The following OPHN1 variants were observed in gnomAD, a reference collection of about 807,000 sequenced individuals.
OPHN1 encodes the protein oligophrenin 1.
In OPHN1, 11 loss-of-function variants were observed where a neutral mutation model predicts 60.7. The ratio of observed to expected loss-of-function variants is 0.18; its 90% confidence interval spans 0.11 to 0.30. The LOEUF is 0.30. Among genes scored for constraint, OPHN1 ranks in the 10% least tolerant of loss-of-function variants. The pLI is 1.00. For synonymous variants in OPHN1, 226 were observed against 222.6 expected (o/e 1.02, Z -0.14); for missense variants, 449 against 611.0 (o/e 0.73, Z 2.80).
rs924152728 is a variant in OPHN1 at position 68,082,689 on chromosome X, G to A, written c.1687-9390C>T. On this transcript the variant is annotated intron_variant, in intron 19 of 24. Coordinates refer to ENST00000355520, the MANE Select transcript of OPHN1 (RefSeq NM_002547.3). Reference sequence around the variant, plus strand: ...TTGTTGTTCCACATATGGAGCATGGGCAGAGTAGATTTTGCATAATTCTTA... The same window carrying A: ...TTGTTGTTCCACATATGGAGCATGGACAGAGTAGATTTTGCATAATTCTTA... Among the ~76,000 whole-genome samples the A allele has an allele frequency of 3.6e-5, 4 of 112,087 alleles. No homozygotes were observed. In the East Asian group the frequency reaches 1.1e-3, roughly 31 times the overall value.
At chrX:68,376,266 A>G (rs765367880) in intron 2 of OPHN1, among the ~76,000 whole-genome samples, 20 of 111,918 alleles carry the variant, frequency 1.8e-4, no homozygotes, top group Non-Finnish European at 3.4e-4. Context: ...CTGCAATTCA[A>G]TGCAATCACT....
At chrX:68,392,259 T>A (rs750148483) in intron 2 of OPHN1, among the ~76,000 whole-genome samples, 1 of 111,886 alleles carries the variant, frequency 8.9e-6, no homozygotes, top group East Asian at 2.8e-4. Context: ...TTCCTCATGA[T>A]TCTTAACATT....
intron 5 of OPHN1, among the ~76,000 whole-genome samples, chrX:68,266,647 C>T (rs1333937191): frequency 1.8e-5 from 2 of 111,266 alleles, no homozygotes; most frequent in Admixed American, 9.6e-5. Flanking sequence ...TAGCTAACAT[C>T]GTAATGACAG....
At chrX:68,145,551 C>T (rs1412307809) in intron 15 of OPHN1, among the ~76,000 whole-genome samples, 1 of 111,510 alleles carries the variant, frequency 9.0e-6, no homozygotes, top group Non-Finnish European at 1.9e-5. Context: ...GAAGCAAACA[C>T]CCATGTACTA....
intron 18 of OPHN1, among the ~76,000 whole-genome samples, chrX:68,098,913 G>A (rs917225961): frequency 2.7e-5 from 3 of 111,358 alleles, no homozygotes; most frequent in African/African-American, 9.8e-5. Context: ...CAAGAGCAAA[G>A]CACTTGGCAA....
At chrX:68,269,128 G>T (rs1382849582) in intron 5 of OPHN1, among the ~76,000 whole-genome samples, 2 of 111,658 alleles carry the variant, frequency 1.8e-5, no homozygotes, top group African/African-American at 6.5e-5. Flanking sequence ...CTCATGGGTA[G>T]GAAGAATCAA....
chrX:68,362,976 G>A (rs988198625), intron 2 of OPHN1, among the ~76,000 whole-genome samples: 5 of 110,891 alleles, frequency 4.5e-5, no homozygotes, highest in East Asian at 2.9e-4. Flanking sequence ...GGCTGGGTGC[G>A]GTGGCTCACA....
intron 2 of OPHN1, among the ~76,000 whole-genome samples, chrX:68,371,146 A>G (rs2078525959): frequency 9.0e-6 from 1 of 111,055 alleles, no homozygotes; most frequent in East Asian, 2.8e-4. Flanking sequence ...GACAGACCAC[A>G]TATGCAACAG....
rs1248833539 is a variant in OPHN1, at chrX:68,261,266, C to G, written c.384+13472G>C. Among the ~76,000 whole-genome samples, 3 of 111,541 alleles carry G rather than the reference C, an allele frequency of 2.7e-5. No individual in the cohort carries two copies. The Admixed American group carries it at 2.9e-4, about 11-fold the overall frequency. On this transcript the variant is annotated intron_variant, in intron 5 of 24. Transcript: ENST00000355520. ...ACCCTTGAAAAAGAACTGAAAACAT[C>G]ATACTGTGGGCAACTCTGACAAGAC...
At chrX:68,393,898 T>G (rs1404126904) in intron 2 of OPHN1, among the ~76,000 whole-genome samples, 1 of 71,886 alleles carries the variant, frequency 1.4e-5, no homozygotes, top group African/African-American at 4.6e-5. Context: ...TTTTTTTTTT[T>G]TTTTTTTTTT....
chrX:68,431,941 A>C (rs1237943887), intron 2 of OPHN1, among the ~76,000 whole-genome samples: 2 of 110,876 alleles, frequency 1.8e-5, no homozygotes, highest in Non-Finnish European at 3.8e-5. Flanking sequence ...CACTCCACCC[A>C]ATCATTACCC....
At chrX:68,297,660 T>C (rs908696060) in intron 3 of OPHN1, among the ~76,000 whole-genome samples, 5 of 111,552 alleles carry the variant, frequency 4.5e-5, no homozygotes, top group Non-Finnish European at 9.4e-5. Flanking sequence ...TTTGAATGTA[T>C]CCATTACTCA....
At chrX:68,054,049 C>T (rs1377991542) in intron 21 of OPHN1, among the ~76,000 whole-genome samples, 4 of 108,337 alleles carry the variant, frequency 3.7e-5, no homozygotes, top group Non-Finnish European at 7.6e-5. Context: ...GTGTCATATC[C>T]ATTCCCTAAG....
chrX:68,128,494 A>ATG (rs2077180942), intron 15 of OPHN1, among the ~76,000 whole-genome samples: 1 of 92,106 alleles, frequency 1.1e-5, no homozygotes, highest in African/African-American at 3.4e-5. Flanking sequence ...GTTGCACTGT[A>ATG]TGTGTGTGGG....
In OPHN1 at chrX:68,045,681, T is replaced by C. The variant is rs2076830207; in HGVS notation, c.*1491A>G. The C allele has an allele frequency of 8.9e-6, 1 of 112,209 alleles. No individual in the cohort carries two copies. The highest frequency in any genetic ancestry group is 1.9e-5 in the Non-Finnish European group (1 of 53,283). The allele number at this position is 112,209 out of a possible 1,213,427, so 9.2% of individuals were successfully genotyped here. A position where few individuals can be genotyped will look rare whatever the true frequency, so the allele number is the denominator to read the frequency against. ...GAATTAGAAATGTCCATTCCTCAGA[T>C]TTCTGCCCCATTACACCAATTTTTA... On this transcript the variant is annotated 3_prime_UTR_variant, in exon 25 of 25. Coordinates refer to ENST00000355520, the MANE Select transcript of OPHN1 (RefSeq NM_002547.3).
intron 15 of OPHN1, among the ~76,000 whole-genome samples, chrX:68,126,252 G>A (rs1273962033): frequency 9.1e-6 from 1 of 110,097 alleles, no homozygotes; most frequent in Admixed American, 9.7e-5. Flanking sequence ...CCCAAGGCCT[G>A]TTCCATTCTC....
intron 2 of OPHN1, among the ~76,000 whole-genome samples, chrX:68,301,445 CAAAAA>C (rs56927719): frequency 2.8e-5 from 1 of 35,370 alleles, no homozygotes. Context: ...GACTCCATCT[CAAAAA>C]AAAAAAAAAA....
At chrX:68,144,700 T>C (rs2147480727) in intron 15 of OPHN1, among the ~76,000 whole-genome samples, 1 of 111,940 alleles carries the variant, frequency 8.9e-6, no homozygotes, top group South Asian at 3.8e-4. Context: ...TAACACCACA[T>C]TCCACCAGAA....
At chrX:68,317,479 AAGGGAGAGAGGG>A (rs201807489) in intron 2 of OPHN1, among the ~76,000 whole-genome samples, 3,380 of 86,922 alleles carry the variant, frequency 0.039, 374 homozygotes, top group African/African-American at 0.15. Flanking sequence ...GAGGAGGAGG[AAGGGAGAGAGGG>A]AGGGAGAGAG....
Sources: allele counts gnomAD v4.1 joint callset (sites outside exome capture counted in the v4.1 genomes callset), GRCh38; gene constraint gnomAD v4.1.1; transcripts MANE v1.5; gene names NCBI Gene and HGNC (gene_info 2026-07-23, HGNC 2026-07-21).